NALCN: variants seen among roughly 807,000 people sequenced by gnomAD.
NALCN encodes the protein sodium leak channel, non-selective.
In NALCN, 111 loss-of-function variants were observed where a neutral mutation model predicts 225.3. That is an observed-to-expected ratio of 0.49 (90% CI 0.42 to 0.58). NALCN has a LOEUF of 0.58. Among genes scored for constraint, NALCN ranks in the 20% least tolerant of loss-of-function variants. The pLI, the probability that NALCN is intolerant of heterozygous loss-of-function variation, is 0.00. For synonymous variants in NALCN, 764 were observed against 769.0 expected (o/e 0.99, Z 0.11); for missense variants, 1,378 against 2,202.4 (o/e 0.63, Z 7.49).
intron 6 of NALCN, among the ~76,000 whole-genome samples, chr13:101,363,673 C>A (rs1269049569): frequency 6.6e-6 from 1 of 151,930 alleles, no homozygotes; most frequent in Admixed American, 6.6e-5. Context: ...CTGGACTGGG[C>A]AAATTTTTGG....
chr13:101,112,433 C>T (rs1458804898), intron 18 of NALCN, among the ~76,000 whole-genome samples: 1 of 152,176 alleles, frequency 6.6e-6, no homozygotes, highest in Non-Finnish European at 1.5e-5. Flanking sequence ...AAAAATTATT[C>T]TCCAGAAAAT....
At position 101,070,063 on chromosome 13, in the gene NALCN, G is replaced by GTTTTTTTTTT. The variant is rs71121162; in HGVS notation, c.4198-1246_4198-1237dup. Among the ~76,000 whole-genome samples, 202 of 98,264 alleles carry GTTTTTTTTTT rather than the reference G, an allele frequency of 2.1e-3. 17 individuals are homozygous for GTTTTTTTTTT. Among genetic ancestry groups the GTTTTTTTTTT allele is most frequent in the African/African-American group, 3.9e-3 (91 of 23,636 alleles). 64.5% of individuals were successfully genotyped at this position (98,264 alleles called of 152,430 possible). A position where few individuals can be genotyped will look rare whatever the true frequency, so the allele number is the denominator to read the frequency against. ...TGACCTCCTTCCATGAATCATGAAT[G>GTTTTTTTTTT]TTTTTTTTTTTTTTTTTTTTTGAGA... On this transcript the variant is annotated intron_variant, in intron 37 of 43. Coordinates refer to ENST00000251127, the MANE Select transcript of NALCN (RefSeq NM_052867.4).
chr13:101,416,881 C>T (rs563486413), upstream of NALCN, among the ~76,000 whole-genome samples: 2 of 152,178 alleles, frequency 1.3e-5, no homozygotes, highest in Admixed American at 6.5e-5. Flanking sequence ...AGCGTGCGAG[C>T]GTGAGGTCAG....
chr13:101,081,295 T>C (rs564380227), intron 34 of NALCN, among the ~76,000 whole-genome samples: 1 of 152,282 alleles, frequency 6.6e-6, no homozygotes, highest in African/African-American at 2.4e-5. Flanking sequence ...CTAGCTTGCA[T>C]CGTCTAGGTC....
chr13:101,176,250 G>C (rs755668978), intron 15 of NALCN, 50 bp downstream of exon 15: 1 of 1,371,104 alleles, frequency 7.3e-7, no homozygotes, highest in South Asian at 1.6e-5. Flanking sequence ...CAAATGGTTT[G>C]CCCCTGGTTT....
chr13:101,374,166 T>TA (rs1235791201), intron 6 of NALCN, among the ~76,000 whole-genome samples: 4 of 151,048 alleles, frequency 2.6e-5, no homozygotes, highest in African/African-American at 7.3e-5. Context: ...AAAGTTATAT[T>TA]AAAAAACAAG....
intron 15 of NALCN, among the ~76,000 whole-genome samples, chr13:101,161,688 A>G (rs2038191925): frequency 6.6e-6 from 1 of 152,194 alleles, no homozygotes; most frequent in South Asian, 2.1e-4. Flanking sequence ...CCTGGCCAAC[A>G]TGGTGAAACC....
intron 7 of NALCN, among the ~76,000 whole-genome samples, chr13:101,332,816 T>C (rs1011736457): frequency 1.3e-5 from 2 of 152,048 alleles, no homozygotes; most frequent in African/African-American, 4.8e-5. Context: ...AAATGTGGAG[T>C]GCTCACGCTT....
intron 35 of NALCN, 147 bp from the exon 36 acceptor site, chr13:101,074,809 A>C (rs1454205893): frequency 1.1e-6 from 1 of 951,834 alleles, no homozygotes; most frequent in Non-Finnish European, 1.5e-6. Context: ...TTGGCTCAAA[A>C]TCACTCTTAG....
At chr13:101,245,343 AG>A (rs1451487840) in intron 11 of NALCN, among the ~76,000 whole-genome samples, 8 of 152,184 alleles carry the variant, frequency 5.3e-5, no homozygotes, top group Non-Finnish European at 8.8e-5. Flanking sequence ...AACAATGCAT[AG>A]AAAAGAAGAG....
chr13:101,157,021 A>G (rs2037937408), intron 15 of NALCN, among the ~76,000 whole-genome samples: 2 of 152,216 alleles, frequency 1.3e-5, no homozygotes, highest in Non-Finnish European at 1.5e-5. Flanking sequence ...TATTTTATTA[A>G]AAACAAGTGG....
At chr13:101,148,035 T>A (rs1050846356) in intron 15 of NALCN, among the ~76,000 whole-genome samples, 2 of 152,168 alleles carry the variant, frequency 1.3e-5, no homozygotes, top group Non-Finnish European at 2.9e-5. Context: ...GTAGGATGAA[T>A]CCTATAATAT....
chr13:101,156,883 G>A (rs1007789325), intron 15 of NALCN, among the ~76,000 whole-genome samples: 1 of 152,070 alleles, frequency 6.6e-6, no homozygotes, highest in African/African-American at 2.4e-5. Context: ...TTTCTTTTCT[G>A]GCCACAATCA....
At chr13:101,081,356 T>C (rs2033639348) in intron 34 of NALCN, among the ~76,000 whole-genome samples, 171 bp downstream of exon 34, 1 of 152,142 alleles carries the variant, frequency 6.6e-6, no homozygotes, top group Non-Finnish European at 1.5e-5. Context: ...TGTGTACATG[T>C]AGACACAAGC....
intron 18 of NALCN, among the ~76,000 whole-genome samples, chr13:101,114,428 T>C (rs1316593677): frequency 2.1e-5 from 2 of 97,070 alleles, no homozygotes; most frequent in Non-Finnish European, 4.0e-5. Flanking sequence ...ATATTCATTC[T>C]CTCTCTCTCT....
intron 17 of NALCN, among the ~76,000 whole-genome samples, chr13:101,141,979 A>G (rs1304197453): frequency 3.3e-5 from 5 of 152,090 alleles, no homozygotes; most frequent in Non-Finnish European, 5.9e-5. Flanking sequence ...ACAATTATTA[A>G]TCTTTCATTT....
In NALCN at chr13:101,258,482, TTCTC is replaced by T; in HGVS notation, c.1223_1226del (p.Gly408GlufsTer27). On this transcript the variant is annotated frameshift_variant, in exon 11 of 44. Coordinates refer to ENST00000251127, the MANE Select transcript of NALCN (RefSeq NM_052867.4). LOFTEE classifies it high-confidence loss of function. The stretch of plus-strand genomic sequence containing the variant: ...ACTCGTCGTACTGCCTCCTGAAGTT[TTCTC>T]CTTTGTAGTAGTTGCTAGCCGCCAC... 6.2e-7 allele frequency: 1 copy of T among 1,614,168 alleles called. No homozygotes were observed. Among genetic ancestry groups the T allele is most frequent in the Non-Finnish European group, 8.5e-7 (1 of 1,180,016 alleles).
At chr13:101,195,808 T>C (rs978121268) in intron 13 of NALCN, among the ~76,000 whole-genome samples, 1 of 152,212 alleles carries the variant, frequency 6.6e-6, no homozygotes, top group Non-Finnish European at 1.5e-5. Flanking sequence ...CCCCTTCCAG[T>C]GTGAGATGAA....
chr13:101,165,673 G>A (rs1050048821), intron 15 of NALCN, among the ~76,000 whole-genome samples: 1 of 152,184 alleles, frequency 6.6e-6, no homozygotes, highest in Admixed American at 6.5e-5. Flanking sequence ...ACAGGGTGTT[G>A]CCACGTTGCG....
Sources: gnomAD v4.1 joint callset for allele counts (sites outside exome capture counted in the v4.1 genomes callset) on GRCh38, gnomAD v4.1.1 for gene constraint, MANE v1.5 for transcripts, NCBI Gene and HGNC (gene_info 2026-07-23, HGNC 2026-07-21) for gene names.